Variants in PSMD11 observed in about 807,000 individuals in gnomAD.
PSMD11 encodes proteasome 26S subunit, non-ATPase 11.
A neutral mutation model predicts 62.3 loss-of-function variants in PSMD11; 5 were observed. The observed-to-expected ratio is 0.08, with a 90% CI of 0.04 to 0.17. PSMD11 has a LOEUF of 0.17. Ranked by LOEUF, PSMD11 falls within the 10% of genes least tolerant of loss-of-function variation. The probability of loss-of-function intolerance (pLI) is 1.00; values close to 1 mark genes in which losing one functional copy is unlikely to be tolerated. For missense variants in PSMD11, 310 were observed against 512.9 expected (o/e 0.60, Z 3.82); for synonymous variants, 191 against 191.8 (o/e 1.00, Z 0.03).
intron 3 of PSMD11, among the ~76,000 whole-genome samples, chr17:32,460,155 C>G (rs1907780959): frequency 6.6e-6 from 1 of 151,950 alleles, no homozygotes; most frequent in African/African-American, 2.4e-5. Flanking sequence ...AACATCTGGG[C>G]TCAAGCATTT....
chr17:32,476,930 A>G (rs1908344304), intron 8 of PSMD11: 1 of 152,178 alleles, frequency 6.6e-6, no homozygotes, highest in Admixed American at 6.6e-5. Flanking sequence ...ATGCCCGGCT[A>G]AGTAGAGAAG....
chr17:32,471,340 A>G (rs1020089997), intron 6 of PSMD11, among the ~76,000 whole-genome samples: 131 of 152,338 alleles, frequency 8.6e-4, no homozygotes, highest in African/African-American at 3.0e-3. Flanking sequence ...TAGGTCAACT[A>G]TGGTATATCA....
intron 11 of PSMD11, 92 bp downstream of exon 11, chr17:32,479,978 C>T (rs1908441862): frequency 6.6e-7 from 1 of 1,516,708 alleles, no homozygotes; most frequent in Admixed American, 1.7e-5. Context: ...TTGGAAAGCT[C>T]CCCAGCTTCT....
chr17:32,446,196 C>G (rs558045227), intron 1 of PSMD11, among the ~76,000 whole-genome samples: 1 of 152,212 alleles, frequency 6.6e-6, no homozygotes, highest in Admixed American at 6.5e-5. Flanking sequence ...TGGTTTTTGT[C>G]AAGTCATGAT....
intron 5 of PSMD11, among the ~76,000 whole-genome samples, chr17:32,465,856 T>C (rs1321467637): frequency 6.6e-6 from 1 of 152,120 alleles, no homozygotes; most frequent in Non-Finnish European, 1.5e-5. Flanking sequence ...ACACCTGTAA[T>C]CCCAGCTACT....
intron 6 of PSMD11, among the ~76,000 whole-genome samples, chr17:32,472,743 G>T (rs1051687525): frequency 6.6e-6 from 1 of 151,268 alleles, no homozygotes; most frequent in Admixed American, 6.6e-5. Flanking sequence ...TACCATGTTG[G>T]CCAGGCTGGT....
intron 8 of PSMD11, among the ~76,000 whole-genome samples, chr17:32,475,895 G>A (rs1321487071): frequency 2.6e-5 from 4 of 151,704 alleles, no homozygotes; most frequent in East Asian, 3.9e-4. Flanking sequence ...ATCCAGCCAC[G>A]CATCTTCCAG....
rs1438879696 is a variant in PSMD11 at position 32,469,680 on chromosome 17, AAT to A, written c.643+489_643+490del. Among the ~76,000 whole-genome samples the A allele has an allele frequency of 2.0e-5, 3 of 151,044 alleles. No individual in the cohort carries two copies. In the East Asian group the frequency reaches 5.8e-4, roughly 29 times the overall value. On this transcript the variant is annotated intron_variant, in intron 6 of 13. Coordinates refer to ENST00000261712, the MANE Select transcript of PSMD11 (RefSeq NM_002815.4). The stretch of plus-strand genomic sequence containing the variant: ...TGGGAAGCCATGGATTGGCAGGTGG[AAT>A]ACTTTCTTTTGTATTCAGCAGTTTT...
At chr17:32,473,120 T>G (rs1390999659) in intron 6 of PSMD11, among the ~76,000 whole-genome samples, 2 of 150,458 alleles carry the variant, frequency 1.3e-5, no homozygotes, top group Non-Finnish European at 3.0e-5. Context: ...ATTGCGCCAT[T>G]GCACTCCAGC....
intron 12 of PSMD11, 112 bp downstream of exon 12, chr17:32,480,309 T>C: frequency 6.8e-7 from 1 of 1,469,408 alleles, no homozygotes; most frequent in South Asian, 1.1e-5. Context: ...CACCCTGGGG[T>C]CCTGGCCCCT....
Position 32,477,505 on chromosome 17 carries a change from G to T in PSMD11, c.850-16G>T. On this transcript the variant is annotated splice_polypyrimidine_tract_variant and intron_variant, in intron 8 of 13. Transcript: ENST00000261712. ...GCAGAATAAATCGCTTTCATGGTTT[G>T]TCTCTTTATTCTCAGACAGAAGCAT... is the stretch of plus-strand genomic sequence containing the variant. 2 of 1,595,442 alleles carry T rather than the reference G, an allele frequency of 1.3e-6. No homozygotes were observed.
intron 2 of PSMD11, among the ~76,000 whole-genome samples, chr17:32,452,128 C>T (rs948045190): frequency 6.6e-6 from 1 of 152,174 alleles, no homozygotes; most frequent in Admixed American, 6.5e-5. Context: ...CAAAGCCACG[C>T]CCATTTGTTT....
At chr17:32,455,449 G>A (rs1208450130) in intron 3 of PSMD11, among the ~76,000 whole-genome samples, 2 of 152,166 alleles carry the variant, frequency 1.3e-5, no homozygotes, top group Non-Finnish European at 2.9e-5. Context: ...ATGTAAAATG[G>A]CAGATAATAT....
chr17:32,457,793 C>G (rs1597833720), intron 3 of PSMD11, among the ~76,000 whole-genome samples: 1 of 148,598 alleles, frequency 6.7e-6, no homozygotes, highest in Non-Finnish European at 1.5e-5. Context: ...TATTTGTTCT[C>G]TCTCTCTCTT....
intron 2 of PSMD11, among the ~76,000 whole-genome samples, chr17:32,450,800 G>C (rs1907470618): frequency 6.6e-6 from 1 of 152,054 alleles, no homozygotes; most frequent in Non-Finnish European, 1.5e-5. Context: ...GCTCACACCT[G>C]TAATCCCAGG....
At chr17:32,460,525 A>T (rs1000670997) in intron 3 of PSMD11, among the ~76,000 whole-genome samples, 3 of 152,200 alleles carry the variant, frequency 2.0e-5, no homozygotes, top group African/African-American at 7.2e-5. Context: ...CTGTGGTCCC[A>T]GCACTTTGGG....
chr17:32,456,745 A>G (rs1319743605), intron 3 of PSMD11, among the ~76,000 whole-genome samples: 3 of 152,170 alleles, frequency 2.0e-5, no homozygotes, highest in Non-Finnish European at 4.4e-5. Flanking sequence ...GTTAGTCAGG[A>G]TGGTCTTGAT....
rs949412332 is a variant in PSMD11 at position 32,482,361 on chromosome 17, A to T, written c.*1609A>T. 4 of 151,198 alleles carry T rather than the reference A, an allele frequency of 2.6e-5. No homozygotes were observed. The highest frequency in any genetic ancestry group is 6.6e-5 in the Admixed American group (1 of 15,222). The allele number at this position is 151,198 out of a possible 1,614,324, so 9.4% of individuals were successfully genotyped here. On this transcript the variant is annotated 3_prime_UTR_variant, in exon 14 of 14. Coordinates refer to ENST00000261712, the MANE Select transcript of PSMD11 (RefSeq NM_002815.4). ...TGTTCAGATGAGTTCCAATAAAAAT[A>T]ATTTTTTTTTTTTTCAAAAGGTGTC...
At chr17:32,465,954 A>G (rs1291581107) in intron 5 of PSMD11, among the ~76,000 whole-genome samples, 2 of 151,608 alleles carry the variant, frequency 1.3e-5, no homozygotes, top group Non-Finnish European at 2.9e-5. Flanking sequence ...CAGCCTGGGC[A>G]ACAGAGCGAG....
Sources: gnomAD v4.1 joint callset for allele counts (sites outside exome capture counted in the v4.1 genomes callset) on GRCh38, gnomAD v4.1.1 for gene constraint, MANE v1.5 for transcripts, NCBI Gene and HGNC (gene_info 2026-07-23, HGNC 2026-07-21) for gene names.